FLII: variants seen among roughly 807,000 people sequenced by gnomAD.
FLII encodes FLII actin remodeling protein, also known as protein flightless-1 homolog.
FLII carries 101 observed loss-of-function variants against 156.2 expected under a neutral mutation model. The observed-to-expected ratio is 0.65, with a 90% CI of 0.55 to 0.76. The LOEUF (loss-of-function observed/expected upper bound fraction) is 0.76. FLII is among the 30% of genes least tolerant of loss of function. The pLI is 0.00. For synonymous variants in FLII, 767 were observed against 685.8 expected (o/e 1.12, Z -1.85); for missense variants, 1,675 against 1,682.8 (o/e 1.00, Z 0.08).
rs746942480 is a variant in FLII at position 18,247,841 on chromosome 17, C to G, written c.2303G>C (p.Ser768Thr). 1 of 1,613,946 alleles carries G rather than the reference C, an allele frequency of 6.2e-7. No individual in the cohort carries two copies. Among genetic ancestry groups the G allele is most frequent in the Non-Finnish European group, 8.5e-7 (1 of 1,180,006 alleles). ...ELMPRMRLLQSLLDTRCVYIL... is the reference protein window; with the variant it reads ...ELMPRMRLLQTLLDTRCVYIL... ...GTACACGCAGCGCGTGTCCAGCAGA[C>G]TCTGCAGCTGCGGACCGGGAGTCTG... Residue 768 changes from serine to threonine, a missense_variant, in exon 20 of 30, where the codon AGT (serine) becomes ACT (threonine). Physicochemically the swap from Ser to Thr is moderately conservative, Grantham distance 58 (BLOSUM62 1). This residue lies in a region of FLII where 1,332 missense variants were observed against 1,269.3 expected (regional missense o/e 1.05). Transcript: ENST00000327031.
chr17:18,252,883 G>A (rs1414913146), intron 9 of FLII, among the ~76,000 whole-genome samples: 1 of 152,216 alleles, frequency 6.6e-6, no homozygotes, highest in Non-Finnish European at 1.5e-5. Flanking sequence ...TAACTGGGCC[G>A]GGCGTGGTGG....
chr17:18,247,107 GC>G, intron 21 of FLII, 55 bp from the exon 22 acceptor site: 2 of 1,563,276 alleles, frequency 1.3e-6, no homozygotes, highest in Non-Finnish European at 1.7e-6. Context: ...CTGCGCATAG[GC>G]CCCGCCCTCG....
At chr17:18,250,099 C>A (rs1239946867) in intron 14 of FLII, among the ~76,000 whole-genome samples, 2 of 152,226 alleles carry the variant, frequency 1.3e-5, no homozygotes, top group East Asian at 3.8e-4. Flanking sequence ...CCAGCCTGGG[C>A]AACAAAGCGA....
chr17:18,246,424 G>A lies in FLII; in HGVS notation c.3090C>T (p.Phe1030=), dbSNP rs564079069. 4 of 1,613,918 alleles carry A rather than the reference G, an allele frequency of 2.5e-6. No individual in the cohort carries two copies. The highest frequency in any genetic ancestry group is 3.4e-6 in the Non-Finnish European group (4 of 1,180,012). Reference sequence around the variant, plus strand: ...TGAACTTCCTCTTGAAATGGGACAGGAACTTGGGGTTCTCCTGCTGCTGCG... The same window carrying A: ...TGAACTTCCTCTTGAAATGGGACAGAAACTTGGGGTTCTCCTGCTGCTGCG... ...RMTQQQENPK[F]LSHFKRKFII... Residue 1030 remains phenylalanine, a synonymous_variant, in exon 24 of 30, where the codon TTC becomes TTT. Coordinates refer to ENST00000327031, the MANE Select transcript of FLII (RefSeq NM_002018.4).
rs1454841465 is a variant in FLII, at chr17:18,256,982, C to T, written c.101G>A (p.Ser34Asn). 3.1e-6 allele frequency: 5 copies of T among 1,611,498 alleles called. No homozygotes were observed. The highest frequency in any genetic ancestry group is 2.2e-5 in the East Asian group (1 of 44,792). Residue 34 changes from serine (S) to asparagine (N), a missense_variant, in exon 2 of 30, where the codon AGC becomes AAC. By Grantham distance (46) the Ser-to-Asn change is conservative. Transcript: ENST00000327031. The stretch of plus-strand genomic sequence containing the variant: ...GCGGTTCAGCTTCAGCCACCGCAGG[C>T]TGGTCATGGCCTTGACATTCTCAGG... ...YFPENVKAMT[S>N]LRWLKLNRTG...
Position 18,247,137 on chromosome 17 carries a change from C to A in FLII, c.2676+32G>T, listed in dbSNP as rs568478595. ...GCCCTCGGCCTGCCCCCCACCCCCCCCCCCGCGCCCCGGTCCCGGCCCTGC... is the reference window on the plus strand; with the variant it reads ...GCCCTCGGCCTGCCCCCCACCCCCCACCCCGCGCCCCGGTCCCGGCCCTGC... On this transcript the variant is annotated intron_variant, in intron 21 of 29. Transcript: ENST00000327031. 3.7e-4 allele frequency: 420 copies of A among 1,141,880 alleles called. 4 individuals are homozygous for A. Among genetic ancestry groups the A allele is most frequent in the African/African-American group, 3.2e-3 (192 of 60,870 alleles). 70.7% of individuals were successfully genotyped at this position (1,141,880 alleles called of 1,614,324 possible).
chr17:18,245,441 TACGGTTGC>T, intron 28 of FLII, 22 bp from the exon 29 acceptor site: 1 of 1,613,680 alleles, frequency 6.2e-7, no homozygotes, highest in East Asian at 2.2e-5. Context: ...GCAGGGGAGA[TACGGTTGC>T]ATGGGTGCCT....
chr17:18,248,878 A>C lies in FLII; in HGVS notation c.1940T>G (p.Val647Gly). ...GTCTAGCCCTCGGTCCAGCAGGAAAACAAACCTGGACAAGAAGGGGCAGGA... is the reference window on the plus strand; with the variant it reads ...GTCTAGCCCTCGGTCCAGCAGGAAACCAAACCTGGACAAGAAGGGGCAGGA... Reference protein sequence around the residue: ...LKGTSLDPRFVFLLDRGLDIY... With the variant: ...LKGTSLDPRFGFLLDRGLDIY... Residue 647 changes from valine (V) to glycine (G), a missense_variant, in exon 17 of 30, where the codon GTT (valine) becomes GGT (glycine). Val to Gly is a moderately radical substitution (Grantham distance 109, BLOSUM62 -3). Around this residue, in one of 2 missense-constraint regions of FLII, gnomAD observed 1,332 missense variants for 1,269.3 expected, o/e 1.05. Transcript: ENST00000327031. The C allele has an allele frequency of 6.2e-7, 1 of 1,613,626 alleles. No individual in the cohort carries two copies. Among genetic ancestry groups the C allele is most frequent in the Non-Finnish European group, 8.5e-7 (1 of 1,179,706 alleles).
In FLII at chr17:18,246,823, C is replaced by G. The variant is rs2048078010; in HGVS notation, c.2822G>C (p.Trp941Ser). 3.1e-6 allele frequency: 5 copies of G among 1,613,986 alleles called. No individual in the cohort carries two copies. The highest frequency in any genetic ancestry group is 4.2e-6 in the Non-Finnish European group (5 of 1,179,992). The change falls in exon 23 of 30, where the codon TGG (tryptophan) becomes TCG (serine). Residue 941 changes from tryptophan (W) to serine (S), a missense_variant. Around this residue, in one of 2 missense-constraint regions of FLII, gnomAD observed 1,332 missense variants for 1,269.3 expected, o/e 1.05. Coordinates refer to ENST00000327031, the MANE Select transcript of FLII (RefSeq NM_002018.4). ...QDCYVFLCRY[W>S]VPVEYEEEEK... ...CTCCTCCTCGTACTCCACAGGCACCCAGTACCTGCCGGGTTGGAAGGTTGT... is the reference window on the plus strand; with the variant it reads ...CTCCTCCTCGTACTCCACAGGCACCGAGTACCTGCCGGGTTGGAAGGTTGT...
chr17:18,254,331 G>A, intron 6 of FLII, 149 bp from the exon 7 acceptor site: 1 of 817,488 alleles, frequency 1.2e-6, no homozygotes, highest in Non-Finnish European at 1.9e-6. Flanking sequence ...GGTGGTTGCG[G>A]GGTGTGTAAG....
chr17:18,256,422 TG>T, intron 3 of FLII, 103 bp downstream of exon 3: 1 of 874,698 alleles, frequency 1.1e-6, no homozygotes, highest in Non-Finnish European at 1.8e-6. Flanking sequence ...GACACGGAGG[TG>T]GGCAGAAATG....
chr17:18,247,299 T>C lies in FLII; in HGVS notation c.2546A>G (p.Asn849Ser). ...DDVLTVDYTR[N>S]AEAVLQSPGL... is the part of the protein sequence containing the mutation. ...CGGGCTCTGCAGCACGGCCTCCGCA[T>C]TGCGTGTGTAGTCCACCGTCAACAC... Residue 849 changes from asparagine (N) to serine (S), a missense_variant, in exon 21 of 30, where the codon AAT becomes AGT. Asn to Ser is a conservative substitution (Grantham distance 46, BLOSUM62 1). Coordinates refer to ENST00000327031, the MANE Select transcript of FLII (RefSeq NM_002018.4). The C allele has an allele frequency of 6.2e-7, 1 of 1,611,892 alleles. No homozygotes were observed. Among genetic ancestry groups the C allele is most frequent in the Non-Finnish European group, 8.5e-7 (1 of 1,179,410 alleles).
In FLII at chr17:18,251,771, C is replaced by G; in HGVS notation, c.1292G>C (p.Arg431Pro). The part of the protein sequence containing the change: ...KDPMARKMRL[R>P]RRKDSAQDDQ... ...ATCCTGGGCTGAATCCTTGCGCCTC[C>G]GCAGTCGCATCTTGCGAGCCATAGG... The change falls in exon 12 of 30, where the codon CGG becomes CCG. Residue 431 changes from arginine (R) to proline (P), a missense_variant. By Grantham distance (103) the Arg-to-Pro change is moderately radical (BLOSUM62 -2). Coordinates refer to ENST00000327031, the MANE Select transcript of FLII (RefSeq NM_002018.4). 6.2e-7 allele frequency: 1 copy of G among 1,613,908 alleles called. No homozygotes were observed. The highest frequency in any genetic ancestry group is 8.5e-7 in the Non-Finnish European group (1 of 1,180,030).
At chr17:18,255,082 AT>A in intron 4 of FLII, 100 bp downstream of exon 4, 1 of 1,055,612 alleles carries the variant, frequency 9.5e-7, no homozygotes, top group Non-Finnish European at 1.5e-6. Context: ...CAGTTTTCCC[AT>A]CTGCAAAATG....
intron 6 of FLII, among the ~76,000 whole-genome samples, 163 bp from the exon 7 acceptor site, chr17:18,254,345 G>T (rs1373107655): frequency 6.6e-6 from 1 of 152,144 alleles, no homozygotes; most frequent in East Asian, 1.9e-4. Context: ...GTGTAAGCGG[G>T]AAGACAGGAC....
At chr17:18,252,622 C>A in intron 9 of FLII, 66 bp from the exon 10 acceptor site, 2 of 1,342,210 alleles carry the variant, frequency 1.5e-6, no homozygotes, top group South Asian at 1.2e-5. Flanking sequence ...GCAAGAAAAC[C>A]CCTAGTCCTG....
At chr17:18,256,217 C>A (rs1322170331) in intron 3 of FLII, among the ~76,000 whole-genome samples, 1 of 152,278 alleles carries the variant, frequency 6.6e-6, no homozygotes, top group Non-Finnish European at 1.5e-5. Context: ...AAAATCCTAA[C>A]AGAATAGTGG....
Position 18,246,834 on chromosome 17 carries a change from G to A in FLII, c.2817-6C>T, listed in dbSNP as rs141780549. 943 of 1,613,868 alleles carry A rather than the reference G, an allele frequency of 5.8e-4. 6 individuals carry two copies. The East Asian group carries it at 0.011, about 19-fold the overall frequency. ...ACTCCACAGGCACCCAGTACCTGCC[G>A]GGTTGGAAGGTTGTGAGCAGGGGCT... On this transcript the variant is annotated splice_polypyrimidine_tract_variant and splice_region_variant and intron_variant, in intron 22 of 29. Coordinates refer to ENST00000327031, the MANE Select transcript of FLII (RefSeq NM_002018.4).
intron 4 of FLII, 143 bp from the exon 5 acceptor site, chr17:18,254,997 T>C (rs2048374497): frequency 1.3e-5 from 13 of 963,954 alleles, no homozygotes; most frequent in South Asian, 1.0e-4. Flanking sequence ...GCCAGGGACT[T>C]GGGAGGAAGA....
Sources: allele counts gnomAD v4.1 joint callset (sites outside exome capture counted in the v4.1 genomes callset), GRCh38; gene constraint gnomAD v4.1.1; regional missense constraint gnomAD v4.1.1; transcripts MANE v1.5; gene names NCBI Gene and HGNC (gene_info 2026-07-23, HGNC 2026-07-21).